The following MED12L variants were observed in gnomAD, a reference collection of about 807,000 sequenced individuals.
MED12L encodes the protein mediator complex subunit 12L, also known as mediator of RNA polymerase II transcription subunit 12-like protein.
MED12L carries 60 observed loss-of-function variants against 281.3 expected under a neutral mutation model. The observed-to-expected ratio is 0.21, with a 90% confidence interval of 0.17 to 0.26. The LOEUF (loss-of-function observed/expected upper bound fraction) is 0.26. Among genes scored for constraint, MED12L ranks in the 10% least tolerant of loss-of-function variants. The pLI is 1.00. For missense variants in MED12L, 2,146 were observed against 2,680.9 expected, an observed-to-expected ratio of 0.80 and a Z score of 4.41; for synonymous variants, 974 against 987.2, an observed-to-expected ratio of 0.99 and a Z score of 0.25.
At chr3:151,378,443 C>A (rs2108088514) in intron 31 of MED12L, among the ~76,000 whole-genome samples, 1 of 152,238 alleles carries the variant, frequency 6.6e-6, no homozygotes, top group South Asian at 2.1e-4. Flanking sequence ...TTTAGACCAA[C>A]TGAATCAGAT....
chr3:151,394,412 T>A (rs946897518), intron 38 of MED12L, among the ~76,000 whole-genome samples: 4 of 152,258 alleles, frequency 2.6e-5, no homozygotes, highest in South Asian at 2.1e-4. Flanking sequence ...CACATTTCAA[T>A]TTATGAACTG....
At chr3:151,198,318 T>C (rs1724956026) in intron 16 of MED12L, 3 of 894,476 alleles carry the variant, frequency 3.4e-6, no homozygotes, top group East Asian at 2.6e-5. Flanking sequence ...GCTAACTGTA[T>C]TTTTTCATAC....
chr3:151,238,372 C>T (rs1036372612), intron 16 of MED12L, among the ~76,000 whole-genome samples: 2 of 152,198 alleles, frequency 1.3e-5, no homozygotes, highest in African/African-American at 4.8e-5. Flanking sequence ...GTCTCGAACT[C>T]CTGACCTCAG....
Position 151,360,682 on chromosome 3 carries a change from CT to C in MED12L, c.2957+81del. 2.2e-6 allele frequency: 3 copies of C among 1,337,194 alleles called. No homozygotes were observed. In the South Asian group the frequency reaches 4.1e-5, roughly 18 times the overall value. The allele number at this position is 1,337,194 out of a possible 1,614,324, so 82.8% of individuals were successfully genotyped here. Reference sequence around the variant, plus strand: ...TAGTGACCCTGACAATATTGTCATCCTTTTGAATAATGAAAGCTAATTGCAA... The same window carrying C: ...TAGTGACCCTGACAATATTGTCATCCTTTGAATAATGAAAGCTAATTGCAA... On this transcript the variant is annotated intron_variant, in intron 21 of 44. Transcript: ENST00000687756.
chr3:151,270,635 A>G (rs1054055551), intron 16 of MED12L, among the ~76,000 whole-genome samples: 2 of 152,180 alleles, frequency 1.3e-5, no homozygotes, highest in African/African-American at 2.4e-5. Context: ...AAAAAAGACA[A>G]AACAAAAAAT....
At chr3:151,329,026 T>C (rs1373742606) in intron 16 of MED12L, 6 of 1,524,470 alleles carry the variant, frequency 3.9e-6, no homozygotes, top group Non-Finnish European at 4.4e-6. Context: ...AATAAACATA[T>C]ATACAAACAA....
At chr3:151,123,147 C>T (rs1714007565) in intron 4 of MED12L, among the ~76,000 whole-genome samples, 173 bp downstream of exon 4, 1 of 152,074 alleles carries the variant, frequency 6.6e-6, no homozygotes, top group South Asian at 2.1e-4. Context: ...ATTTTGATTG[C>T]ATGTAGTGCC....
chr3:151,284,948 A>G (rs998382768), intron 16 of MED12L, among the ~76,000 whole-genome samples: 2 of 152,162 alleles, frequency 1.3e-5, no homozygotes, highest in East Asian at 3.9e-4. Context: ...CATTTAAGGA[A>G]CAGCTGTGCT....
intron 16 of MED12L, among the ~76,000 whole-genome samples, chr3:151,239,637 G>A (rs1048168065): frequency 6.6e-6 from 1 of 152,110 alleles, no homozygotes; most frequent in African/African-American, 2.4e-5. Context: ...TAATAAGTAT[G>A]GATAGGTATA....
chr3:151,184,570 G>T (rs1723052240), intron 11 of MED12L, among the ~76,000 whole-genome samples: 1 of 152,064 alleles, frequency 6.6e-6, no homozygotes, highest in African/African-American at 2.4e-5. Context: ...CCATCTCCCC[G>T]CTCACCACTC....
chr3:151,336,364 T>A, intron 16 of MED12L: 1 of 372,154 alleles, frequency 2.7e-6, no homozygotes, highest in South Asian at 2.1e-5. Context: ...TGAATACCAC[T>A]TAGTAGTTAA....
At chr3:151,191,736 G>A (rs558493805) in intron 14 of MED12L, among the ~76,000 whole-genome samples, 1 of 152,240 alleles carries the variant, frequency 6.6e-6, no homozygotes, top group East Asian at 1.9e-4. Context: ...GAGAAACCCT[G>A]TCTGTACCAA....
At chr3:151,181,749 C>T (rs1053268996) in intron 11 of MED12L, among the ~76,000 whole-genome samples, 1 of 151,976 alleles carries the variant, frequency 6.6e-6, no homozygotes, top group African/African-American at 2.4e-5. Context: ...CCATACCTGG[C>T]TAATTTTTGT....
intron 2 of MED12L, among the ~76,000 whole-genome samples, chr3:151,110,816 G>C (rs946177138): frequency 6.6e-6 from 1 of 152,136 alleles, no homozygotes; most frequent in South Asian, 2.1e-4. Flanking sequence ...AGAAGGAAGG[G>C]GGTATGGTAG....
chr3:151,280,882 G>A (rs1742693349), intron 16 of MED12L, among the ~76,000 whole-genome samples: 1 of 151,604 alleles, frequency 6.6e-6, no homozygotes, highest in Non-Finnish European at 1.5e-5. Context: ...TAAGAAAATA[G>A]AGCCTCAGAA....
At chr3:151,421,748 C>A (rs1015278439) in intron 43 of MED12L, among the ~76,000 whole-genome samples, 2 of 151,970 alleles carry the variant, frequency 1.3e-5, no homozygotes, top group African/African-American at 2.4e-5. Flanking sequence ...CGGTATTTTT[C>A]TTTTTCTTAA....
chr3:151,405,269 G>A (rs1716160606), intron 39 of MED12L, among the ~76,000 whole-genome samples: 1 of 152,174 alleles, frequency 6.6e-6, no homozygotes, highest in South Asian at 2.1e-4. Flanking sequence ...AAGAGACCAT[G>A]TGTAGGAATT....
intron 5 of MED12L, among the ~76,000 whole-genome samples, chr3:151,143,666 C>G (rs1176595384): frequency 1.3e-5 from 2 of 152,124 alleles, no homozygotes; most frequent in Non-Finnish European, 2.9e-5. Flanking sequence ...CCCCATGTCT[C>G]CTCTTCTCCC....
At chr3:151,368,286 C>T (rs576191826) in intron 25 of MED12L, 35 bp downstream of exon 25, 2 of 1,558,720 alleles carry the variant, frequency 1.3e-6, no homozygotes, top group East Asian at 2.2e-5. Context: ...ATTACCTTTT[C>T]ATTGGTAGCT....
Sources: allele counts gnomAD v4.1 joint callset (sites outside exome capture counted in the v4.1 genomes callset), GRCh38; gene constraint gnomAD v4.1.1; transcripts MANE v1.5; gene names NCBI Gene and HGNC (gene_info 2026-07-23, HGNC 2026-07-21).